SLC38A8: variants seen among roughly 807,000 people sequenced by gnomAD.
The protein encoded by SLC38A8 is solute carrier family 38 member 8.
A neutral mutation model predicts 46.0 loss-of-function variants in SLC38A8; 65 were observed. That is an observed-to-expected ratio of 1.41 (90% CI 1.16 to 1.74). The LOEUF is 1.74. SLC38A8 is among the 40% of genes most tolerant of loss of function. The pLI is 0.00. For synonymous variants in SLC38A8, 447 were observed against 243.7 expected, an observed-to-expected ratio of 1.83 and a Z score of -7.77; for missense variants, 998 against 567.9, an observed-to-expected ratio of 1.76 and a Z score of -7.70.
chr16:84,032,446 CA>C (rs1158797910), intron 4 of SLC38A8, among the ~76,000 whole-genome samples: 1 of 152,222 alleles, frequency 6.6e-6, no homozygotes, highest in Non-Finnish European at 1.5e-5. Flanking sequence ...CTTGGCCTCC[CA>C]AAGTGCTGGA....
intron 6 of SLC38A8, among the ~76,000 whole-genome samples, chr16:84,026,167 T>C (rs778298618): frequency 6.6e-6 from 1 of 152,210 alleles, no homozygotes; most frequent in African/African-American, 2.4e-5. Context: ...GCCAGACAGG[T>C]TGGTGGGCAG....
At chr16:84,031,275 A>AGACACAC (rs948197605) in intron 5 of SLC38A8, among the ~76,000 whole-genome samples, 1 of 152,130 alleles carries the variant, frequency 6.6e-6, no homozygotes, top group Non-Finnish European at 1.5e-5. Context: ...TCCTGACCTC[A>AGACACAC]AGTGATCCAC....
At chr16:84,019,981 G>C (rs1348496594) in intron 7 of SLC38A8, among the ~76,000 whole-genome samples, 1 of 152,202 alleles carries the variant, frequency 6.6e-6, no homozygotes, top group Non-Finnish European at 1.5e-5. Flanking sequence ...CACAGGGGTT[G>C]GCACCTGATG....
At chr16:84,014,285 A>C (rs1300230396) in intron 9 of SLC38A8, among the ~76,000 whole-genome samples, 2 of 150,282 alleles carry the variant, frequency 1.3e-5, no homozygotes, top group African/African-American at 4.9e-5. Flanking sequence ...TCACCTCTGA[A>C]AGCCTCGCCC....
chr16:84,027,773 G>A (rs768884705), intron 6 of SLC38A8, among the ~76,000 whole-genome samples: 11 of 152,188 alleles, frequency 7.2e-5, no homozygotes, highest in East Asian at 1.9e-4. Context: ...AGGAGAATCC[G>A]GTGAGGGCTG....
At position 84,029,483 on chromosome 16, in the gene SLC38A8, G is replaced by T. The variant is rs775031790; in HGVS notation, c.690+11C>A. The T allele has an allele frequency of 5.6e-6, 9 of 1,613,936 alleles. No individual in the cohort carries two copies. Among genetic ancestry groups the T allele is most frequent in the Non-Finnish European group, 7.6e-6 (9 of 1,179,890 alleles). On this transcript the variant is annotated intron_variant, in intron 6 of 10. Coordinates refer to ENST00000299709, the MANE Select transcript of SLC38A8 (RefSeq NM_001080442.3). ...AAACGCCACAGGCTGCAACACAGAT[G>T]CTAAAATTACCTGAAACCCGAAGCA... is the stretch of plus-strand genomic sequence containing the variant.
chr16:84,016,084 C>T (rs926947676), intron 9 of SLC38A8, among the ~76,000 whole-genome samples: 3 of 147,268 alleles, frequency 2.0e-5, no homozygotes, highest in African/African-American at 7.6e-5. Context: ...AGCAAAGTCA[C>T]GTCTTACATG....
intron 6 of SLC38A8, among the ~76,000 whole-genome samples, chr16:84,023,587 T>C (rs1173502867): frequency 2.0e-5 from 3 of 151,866 alleles, no homozygotes; most frequent in African/African-American, 7.3e-5. Context: ...GTCAGAACAA[T>C]GAACACCACA....
chr16:84,014,471 G>T (rs186264768), intron 9 of SLC38A8, among the ~76,000 whole-genome samples: 1 of 151,614 alleles, frequency 6.6e-6, no homozygotes, highest in African/African-American at 2.4e-5. Context: ...GTCGAGGGAG[G>T]AGCTGTATAG....
rs149094312 is a variant in SLC38A8 at position 84,016,494 on chromosome 16, A to C, written c.1162+25T>G. 1.2e-4 allele frequency: 195 copies of C among 1,609,928 alleles called. 1 individual carries two copies. The African/African-American group carries it at 2.4e-3, about 20-fold the overall frequency. ...TGAGCAGGGAAGAACAAGTGGGCAG[A>C]AAGCCTGGAAAGCAGGGGCCTCACC... On this transcript the variant is annotated intron_variant, in intron 9 of 10. Transcript: ENST00000299709.
chr16:84,041,417 A>G (rs1375488155), intron 2 of SLC38A8: 1 of 152,972 alleles, frequency 6.5e-6, no homozygotes, highest in Non-Finnish European at 1.5e-5. Context: ...GGTTCAAGCG[A>G]TTCTCCTGAC....
In SLC38A8 at chr16:84,036,843, T is replaced by C. The variant is rs139605040; in HGVS notation, c.247A>G (p.Ser83Gly). Residue 83 changes from serine to glycine, a missense_variant, in exon 3 of 11, where the codon AGT becomes GGT. Coordinates refer to ENST00000299709, the MANE Select transcript of SLC38A8 (RefSeq NM_001080442.3). Reference sequence around the variant, plus strand: ...ACACCCTGGTAGGTGGCCTGGCCACTGACAGCAGCAGCATAGCCCAGGATG... The same window carrying C: ...ACACCCTGGTAGGTGGCCTGGCCACCGACAGCAGCAGCATAGCCCAGGATG... ...LVILGYAAAV[S>G]GQATYQGVVR... 3 of 1,613,706 alleles carry C rather than the reference T, an allele frequency of 1.9e-6. No individual in the cohort carries two copies. The African/African-American group carries it at 4.0e-5, about 22-fold the overall frequency.
chr16:84,011,893 A>G (rs142288911), intron 10 of SLC38A8, among the ~76,000 whole-genome samples: 2 of 152,308 alleles, frequency 1.3e-5, no homozygotes, highest in East Asian at 3.9e-4. Flanking sequence ...CAAAAACTAA[A>G]ATAAATAAAA....
chr16:84,021,846 G>A (rs1230250697), intron 7 of SLC38A8, among the ~76,000 whole-genome samples: 1 of 152,244 alleles, frequency 6.6e-6, no homozygotes, highest in Non-Finnish European at 1.5e-5. Context: ...TACATCTGGG[G>A]AGAGCCTTCT....
intron 10 of SLC38A8, among the ~76,000 whole-genome samples, chr16:84,011,774 C>G (rs554517140): frequency 6.6e-6 from 1 of 152,266 alleles, no homozygotes; most frequent in South Asian, 2.1e-4. Context: ...GTCCCAGCTA[C>G]TCAGGAGGCT....
intron 6 of SLC38A8, among the ~76,000 whole-genome samples, chr16:84,026,878 G>C (rs2085170626): frequency 6.6e-6 from 1 of 152,188 alleles, no homozygotes. Flanking sequence ...TGCGGGCAGA[G>C]GTGGAGAATG....
Position 84,031,936 on chromosome 16 carries a change from GC to G in SLC38A8, c.562del (p.Ala188ProfsTer23). The G allele has an allele frequency of 6.2e-7, 1 of 1,614,232 alleles. No individual in the cohort carries two copies. The highest frequency in any genetic ancestry group is 2.2e-5 in the East Asian group (1 of 44,890). On this transcript the variant is annotated frameshift_variant, in exon 5 of 11. Transcript: ENST00000299709. LOFTEE classifies it high-confidence loss of function. ...ILGTLAACYLALVITVQYYLW... is the reference protein window; with the variant it reads ...ILGTLAACYLXLVITVQYYLW... ...GTAGTACTGCACGGTGATGACCAGG[GC>G]CAGGTAACAGGCAGCCAGAGTGCCT... is the stretch of plus-strand genomic sequence containing the variant.
rs1318371473 is a variant in SLC38A8, at chr16:84,042,709, C to A, written c.-161G>T. 3.3e-5 allele frequency: 5 copies of A among 153,342 alleles called. No homozygotes were observed. In the South Asian group the frequency reaches 1.0e-3, roughly 31 times the overall value. 9.5% of individuals were successfully genotyped at this position (153,342 alleles called of 1,614,324 possible). ...GTGAGTGAGTCATTAACTAAAGGAGCCCTAGCGAGTATGTGTCAGGGTCAG... is the reference window on the plus strand; with the variant it reads ...GTGAGTGAGTCATTAACTAAAGGAGACCTAGCGAGTATGTGTCAGGGTCAG... On this transcript the variant is annotated 5_prime_UTR_variant, in exon 1 of 11. Coordinates refer to ENST00000299709, the MANE Select transcript of SLC38A8 (RefSeq NM_001080442.3).
intron 9 of SLC38A8, 112 bp from the exon 10 acceptor site, chr16:84,013,164 G>A (rs13336030): frequency 0.07 from 85,612 of 1,222,608 alleles, 9,225 homozygotes; most frequent in African/African-American, 0.48. Context: ...CTCCGCCCAT[G>A]GGTGCCCCTG....
Sources: allele counts gnomAD v4.1 joint callset (sites outside exome capture counted in the v4.1 genomes callset), GRCh38; gene constraint gnomAD v4.1.1; transcripts MANE v1.5; gene names NCBI Gene and HGNC (gene_info 2026-07-23, HGNC 2026-07-21).